The following TBPL1 variants were observed in gnomAD, a reference collection of about 807,000 sequenced individuals.
The protein encoded by TBPL1 is TATA-box binding protein like 1.
Under a neutral mutation model 22.1 loss-of-function variants are expected in TBPL1, and 4 were observed. The ratio of observed to expected loss-of-function variants is 0.18; its 90% CI spans 0.09 to 0.41. The LOEUF is 0.41. Among genes scored for constraint, TBPL1 ranks in the 10% least tolerant of loss-of-function variants. The pLI, the probability that TBPL1 is intolerant of heterozygous loss-of-function variation, is 1.00. For synonymous variants in TBPL1, 64 were observed against 71.0 expected, an observed-to-expected ratio of 0.90 and a Z score of 0.50; for missense variants, 115 against 222.3, an observed-to-expected ratio of 0.52 and a Z score of 3.07.
chr6:133,985,297 A>AAAAAT (rs1449435525), intron 6 of TBPL1, among the ~76,000 whole-genome samples: 1 of 42,906 alleles, frequency 2.3e-5, no homozygotes, highest in African/African-American at 1.1e-4. Context: ...AAAAAAAAAA[A>AAAAAT]ATATATATAT....
At chr6:133,955,965 A>C (rs1449237723) in intron 1 of TBPL1, among the ~76,000 whole-genome samples, 1 of 152,248 alleles carries the variant, frequency 6.6e-6, no homozygotes, top group Non-Finnish European at 1.5e-5. Context: ...ACAAATATTT[A>C]TGAAACATAT....
intron 1 of TBPL1, among the ~76,000 whole-genome samples, chr6:133,974,157 CATT>C (rs1051384749): frequency 3.7e-4 from 56 of 152,226 alleles, no homozygotes; most frequent in African/African-American, 1.2e-3. Context: ...CTCTGGCAAA[CATT>C]ATGGACCTCT....
At chr6:133,980,439 T>C (rs766230403) in intron 2 of TBPL1, among the ~76,000 whole-genome samples, 179 bp downstream of exon 2, 14 of 152,216 alleles carry the variant, frequency 9.2e-5, no homozygotes, top group Admixed American at 2.0e-4. Context: ...TGCAAGCTTT[T>C]GTACATAGAG....
intron 1 of TBPL1, among the ~76,000 whole-genome samples, chr6:133,962,983 A>G (rs1776050613): frequency 6.6e-6 from 1 of 152,236 alleles, no homozygotes; most frequent in Non-Finnish European, 1.5e-5. Flanking sequence ...GCAAGGGAGC[A>G]GTTGGAGAAT....
chr6:133,962,030 G>A (rs926618060), intron 1 of TBPL1, among the ~76,000 whole-genome samples: 6 of 152,100 alleles, frequency 3.9e-5, no homozygotes, highest in African/African-American at 7.2e-5. Flanking sequence ...GCAATTATGC[G>A]TAAAAGTTTC....
Position 133,980,206 on chromosome 6 carries a change from C to T in TBPL1, c.81C>T (p.Asn27=), listed in dbSNP as rs1776385018. ...VCVFRTRCHL[N]LRKIALEGAN... ...TTTTTAGAACAAGATGTCATTTAAA[C>T]TTAAGGAAGATTGCTTTGGAAGGAG... Residue 27 remains asparagine, a synonymous_variant, in exon 2 of 7, where the codon AAC becomes AAT. Transcript: ENST00000237264. The T allele has an allele frequency of 1.2e-6, 2 of 1,609,670 alleles. No homozygotes were observed. The highest frequency in any genetic ancestry group is 1.3e-5 in the African/African-American group (1 of 74,658).
intron 1 of TBPL1, among the ~76,000 whole-genome samples, chr6:133,961,674 C>T (rs552151860): frequency 1.6e-4 from 24 of 152,048 alleles, no homozygotes; most frequent in Admixed American, 1.1e-3. Flanking sequence ...CCATGTTAAT[C>T]GGGCTGGTCT....
intron 6 of TBPL1, 160 bp downstream of exon 6, chr6:133,984,831 C>A: frequency 1.7e-6 from 1 of 597,848 alleles, no homozygotes; most frequent in Non-Finnish European, 3.0e-6. Context: ...ATTTTGCCTA[C>A]TTTTGTACTA....
At chr6:133,972,707 T>TG (rs1776246060) in intron 1 of TBPL1, among the ~76,000 whole-genome samples, 1 of 149,396 alleles carries the variant, frequency 6.7e-6, no homozygotes, top group South Asian at 2.1e-4. Flanking sequence ...TTTGTTTGTT[T>TG]TTTTCCCCTC....
Position 133,989,393 on chromosome 6 carries a change from A to G in TBPL1, c.*2353A>G. 1 of 152,200 alleles carries G rather than the reference A, an allele frequency of 6.6e-6. No individual in the cohort carries two copies. The highest frequency in any genetic ancestry group is 2.4e-5 in the African/African-American group (1 of 41,444). 9.4% of individuals were successfully genotyped at this position (152,200 alleles called of 1,614,324 possible). Reference sequence around the variant, plus strand: ...TGCTCAAGATACTGAAGTCAAGGTCACTAGTAATAAACTGGCTAGGTTGAT... The same window carrying G: ...TGCTCAAGATACTGAAGTCAAGGTCGCTAGTAATAAACTGGCTAGGTTGAT... On this transcript the variant is annotated 3_prime_UTR_variant, in exon 7 of 7. Coordinates refer to ENST00000237264, the MANE Select transcript of TBPL1 (RefSeq NM_004865.4).
At chr6:133,976,899 C>A (rs976161039) in intron 1 of TBPL1, among the ~76,000 whole-genome samples, 1 of 149,440 alleles carries the variant, frequency 6.7e-6, no homozygotes, top group Non-Finnish European at 1.5e-5. Flanking sequence ...ATCCAGGAGG[C>A]GGAGGTTGCC....
chr6:133,981,153 A>G (rs187355896), intron 2 of TBPL1, among the ~76,000 whole-genome samples: 134 of 152,024 alleles, frequency 8.8e-4, no homozygotes, highest in African/African-American at 3.0e-3. Context: ...TTGTATTTTT[A>G]GTAGAGACGG....
At chr6:133,968,606 G>A (rs1776163675) in intron 1 of TBPL1, among the ~76,000 whole-genome samples, 1 of 152,202 alleles carries the variant, frequency 6.6e-6, no homozygotes, top group Admixed American at 6.5e-5. Flanking sequence ...GAGCAGTTCA[G>A]AACTAGTCCA....
chr6:133,989,464 C>T lies in TBPL1; in HGVS notation c.*2424C>T, dbSNP rs1303951329. 6.6e-6 allele frequency: 1 copy of T among 152,012 alleles called. No individual in the cohort carries two copies. Among genetic ancestry groups the T allele is most frequent in the African/African-American group, 2.4e-5 (1 of 41,376 alleles). 9.4% of individuals were successfully genotyped at this position (152,012 alleles called of 1,614,324 possible). On this transcript the variant is annotated 3_prime_UTR_variant, in exon 7 of 7. Coordinates refer to ENST00000237264, the MANE Select transcript of TBPL1 (RefSeq NM_004865.4). ...ATAATGAAGGGCTAAACAAAAAATA[C>T]CTGAAGTATATATAGAGTTTGAACT...
intron 1 of TBPL1, among the ~76,000 whole-genome samples, chr6:133,959,845 A>G (rs1226399947): frequency 6.6e-6 from 1 of 152,238 alleles, no homozygotes; most frequent in Non-Finnish European, 1.5e-5. Flanking sequence ...TCAGATATGA[A>G]CATAATAAAG....
Position 133,962,862 on chromosome 6 carries a change from G to A in TBPL1, c.-45+9437G>A, listed in dbSNP as rs9483636. Reference sequence around the variant, plus strand: ...GGAACCTATTGTTGAGCTTTTCAGGGTCTGGCATGGATTTCAGTTAAGAAC... The same window carrying A: ...GGAACCTATTGTTGAGCTTTTCAGGATCTGGCATGGATTTCAGTTAAGAAC... On this transcript the variant is annotated intron_variant, in intron 1 of 6. Transcript: ENST00000237264. Among the ~76,000 whole-genome samples the A allele has an allele frequency of 6.9e-3, 1,055 of 152,288 alleles. 10 individuals carry two copies. The highest frequency in any genetic ancestry group is 0.024 in the African/African-American group (1,003 of 41,560).
intron 1 of TBPL1, among the ~76,000 whole-genome samples, chr6:133,961,574 T>TCTTCTG (rs772631296): frequency 2.6e-5 from 4 of 151,528 alleles, no homozygotes; most frequent in Non-Finnish European, 5.9e-5. Flanking sequence ...GTTCAAGCAT[T>TCTTCTG]CTTCTGCCTC....
intron 6 of TBPL1, 46 bp from the exon 7 acceptor site, chr6:133,986,915 C>G (rs775968117): frequency 5.2e-6 from 7 of 1,358,032 alleles, no homozygotes; most frequent in Non-Finnish European, 7.1e-6. Context: ...CCTAGTGCTC[C>G]CTTTTCCAAC....
At chr6:133,959,075 T>C (rs1421655973) in intron 1 of TBPL1, among the ~76,000 whole-genome samples, 2 of 152,192 alleles carry the variant, frequency 1.3e-5, no homozygotes, top group African/African-American at 4.8e-5. Flanking sequence ...AGTCTCACTC[T>C]GTCACCCAGA....
Sources: allele counts gnomAD v4.1 joint callset (sites outside exome capture counted in the v4.1 genomes callset), GRCh38; gene constraint gnomAD v4.1.1; transcripts MANE v1.5; gene names NCBI Gene and HGNC (gene_info 2026-07-23, HGNC 2026-07-21).